Variants in PCDH15 observed in about 807,000 individuals in gnomAD.
PCDH15 encodes protocadherin-15.
A neutral mutation model predicts 178.5 loss-of-function variants in PCDH15; 129 were observed. That is an observed-to-expected ratio of 0.72 (90% CI 0.63 to 0.84). PCDH15 has a LOEUF of 0.84. PCDH15 is among the 40% of genes least tolerant of loss of function. The pLI is 0.00. For synonymous variants in PCDH15, 800 were observed against 732.0 expected (o/e 1.09, Z -1.50); for missense variants, 2,230 against 2,099.9 (o/e 1.06, Z -1.21).
At chr10:54,033,349 T>C (rs1055580506) in intron 18 of PCDH15, among the ~76,000 whole-genome samples, 1 of 151,936 alleles carries the variant, frequency 6.6e-6, no homozygotes, top group Non-Finnish European at 1.5e-5. Flanking sequence ...TGTATATATA[T>C]TATCCATGCT....
chr10:54,018,215 G>A (rs1016038653), intron 20 of PCDH15, among the ~76,000 whole-genome samples: 33 of 152,108 alleles, frequency 2.2e-4, no homozygotes, highest in Admixed American at 3.3e-4. Context: ...AGAGACATTT[G>A]TGTTGCACAT....
At chr10:55,008,599 A>G (rs968381576) in intron 2 of PCDH15, among the ~76,000 whole-genome samples, 4 of 152,060 alleles carry the variant, frequency 2.6e-5, no homozygotes. Flanking sequence ...CAGAGTAACT[A>G]TTTCAAGCTC....
At chr10:54,465,060 C>T (rs190369716) in intron 3 of PCDH15, among the ~76,000 whole-genome samples, 110 of 152,156 alleles carry the variant, frequency 7.2e-4, no homozygotes, top group Admixed American at 1.2e-3. Flanking sequence ...TTTCCCTTAT[C>T]CTTTTTAAAA....
At chr10:54,289,066 G>T (rs577962043) in intron 8 of PCDH15, among the ~76,000 whole-genome samples, 12 of 152,196 alleles carry the variant, frequency 7.9e-5, no homozygotes, top group Non-Finnish European at 1.3e-4. Context: ...CTCCTCAAGT[G>T]GGTCCCTGAC....
At chr10:54,880,644 G>A (rs1405887050) in intron 3 of PCDH15, among the ~76,000 whole-genome samples, 1 of 150,808 alleles carries the variant, frequency 6.6e-6, no homozygotes, top group Non-Finnish European at 1.5e-5. Flanking sequence ...ATTTTTAGTT[G>A]GAATGAAAAC....
intron 2 of PCDH15, among the ~76,000 whole-genome samples, chr10:55,474,794 T>C (rs1840031204): frequency 6.6e-6 from 1 of 152,266 alleles, no homozygotes; most frequent in East Asian, 1.9e-4. Context: ...GGAACACATA[T>C]GTTTTTCTTT....
intron 2 of PCDH15, among the ~76,000 whole-genome samples, chr10:54,981,003 A>T (rs1468255853): frequency 2.6e-5 from 4 of 152,068 alleles, no homozygotes; most frequent in Admixed American, 6.6e-5. Context: ...CATTTGGGCC[A>T]CTTTGAAATG....
At chr10:53,934,089 G>C (rs1056461725) in intron 25 of PCDH15, among the ~76,000 whole-genome samples, 6 of 152,150 alleles carry the variant, frequency 3.9e-5, no homozygotes, top group African/African-American at 1.4e-4. Flanking sequence ...TGTCAGATGA[G>C]TAGGTTGCAA....
chr10:55,086,321 A>G (rs76665363), intron 2 of PCDH15, among the ~76,000 whole-genome samples: 6,167 of 152,116 alleles, frequency 0.041, 301 homozygotes, highest in East Asian at 0.15. Context: ...AGAAATATAT[A>G]TGTATATATA....
At chr10:54,842,236 G>A (rs1953432124) in intron 3 of PCDH15, among the ~76,000 whole-genome samples, 2 of 151,522 alleles carry the variant, frequency 1.3e-5, no homozygotes, top group South Asian at 4.1e-4. Flanking sequence ...GAATAAATGA[G>A]ACAGATTTAA....
At chr10:54,397,141 T>C (rs1951332293) in intron 3 of PCDH15, among the ~76,000 whole-genome samples, 1 of 152,084 alleles carries the variant, frequency 6.6e-6, no homozygotes, top group South Asian at 2.1e-4. Context: ...TTTATTTTCT[T>C]AGAGTGTTTA....
intron 2 of PCDH15, among the ~76,000 whole-genome samples, chr10:55,066,307 T>A (rs1841563070): frequency 6.6e-6 from 1 of 151,190 alleles, no homozygotes. Flanking sequence ...AATTAATTAA[T>A]TTATATTTAA....
chr10:54,743,362 T>C (rs866810856), intron 1 of PCDH15, among the ~76,000 whole-genome samples: 4 of 152,150 alleles, frequency 2.6e-5, no homozygotes, highest in Admixed American at 1.3e-4. Context: ...TATAAAAATA[T>C]ATTTAGGTCT....
At chr10:54,472,722 A>G (rs1395863070) in intron 3 of PCDH15, among the ~76,000 whole-genome samples, 1 of 152,172 alleles carries the variant, frequency 6.6e-6, no homozygotes, top group Admixed American at 6.6e-5. Context: ...CGTGGGGTCA[A>G]AAGAAGATTT....
At chr10:54,883,701 A>G in intron 3 of PCDH15, among the ~76,000 whole-genome samples, 1 of 152,010 alleles carries the variant, frequency 6.6e-6, no homozygotes, top group East Asian at 1.9e-4. Flanking sequence ...ATTATTATTT[A>G]CAATCTGGAA....
chr10:55,014,042 A>T (rs542724968), intron 2 of PCDH15, among the ~76,000 whole-genome samples: 7 of 152,216 alleles, frequency 4.6e-5, no homozygotes, highest in Non-Finnish European at 5.9e-5. Context: ...CAGTTACTTT[A>T]TAATAAATAA....
intron 5 of PCDH15, among the ~76,000 whole-genome samples, chr10:54,349,187 C>G (rs896323768): frequency 1.3e-5 from 2 of 152,096 alleles, no homozygotes; most frequent in African/African-American, 4.8e-5. Flanking sequence ...GGTGCCCATG[C>G]CTTTCAATCT....
intron 2 of PCDH15, among the ~76,000 whole-genome samples, chr10:55,385,263 A>G (rs750548830): frequency 6.6e-6 from 1 of 152,184 alleles, no homozygotes; most frequent in Non-Finnish European, 1.5e-5. Flanking sequence ...GAAAACTGCC[A>G]GTCTGTGAGG....
intron 3 of PCDH15, among the ~76,000 whole-genome samples, chr10:54,384,639 A>T (rs977817179): frequency 6.6e-6 from 1 of 152,110 alleles, no homozygotes; most frequent in African/African-American, 2.4e-5. Context: ...ATTATTAAAG[A>T]TTGCATATAT....
Sources: gnomAD v4.1 joint callset for allele counts (sites outside exome capture counted in the v4.1 genomes callset) on GRCh38, gnomAD v4.1.1 for gene constraint, MANE v1.5 for transcripts, NCBI Gene and HGNC (gene_info 2026-07-23, HGNC 2026-07-21) for gene names.